GALNS: variants seen among roughly 807,000 people sequenced by gnomAD.
The protein encoded by GALNS is N-acetylgalactosamine-6-sulfatase.
In GALNS, 65 loss-of-function variants were observed where a neutral mutation model predicts 65.9. That is an observed-to-expected ratio of 0.99 (90% confidence interval 0.81 to 1.21). The LOEUF is 1.21. Ranked by LOEUF, GALNS falls within the 50% of genes most tolerant of loss-of-function variation. GALNS has a pLI of 0.00. For synonymous variants in GALNS, 346 were observed against 288.9 expected, an observed-to-expected ratio of 1.20 and a Z score of -2.00; for missense variants, 776 against 700.7, an observed-to-expected ratio of 1.11 and a Z score of -1.21.
At chr16:88,814,843 C>T (rs1428372020) in intron 13 of GALNS, among the ~76,000 whole-genome samples, 2 of 152,264 alleles carry the variant, frequency 1.3e-5, no homozygotes, top group African/African-American at 4.8e-5. Context: ...TCGTGATCCA[C>T]CTGCCTTGGC....
intron 8 of GALNS, among the ~76,000 whole-genome samples, chr16:88,833,059 C>G (rs1413697287): frequency 8.9e-6 from 1 of 112,738 alleles, no homozygotes; most frequent in Non-Finnish European, 1.7e-5. Context: ...GCCTGGGCAA[C>G]AGAGCGAGAC....
At chr16:88,815,273 G>A (rs955094572) in intron 13 of GALNS, 1 of 985,360 alleles carries the variant, frequency 1.0e-6, no homozygotes, top group African/African-American at 1.7e-5. Context: ...GTGGCTGAGG[G>A]CCTCCGAGGG....
intron 9 of GALNS, among the ~76,000 whole-genome samples, chr16:88,828,667 G>A (rs540991963): frequency 8.5e-5 from 13 of 152,348 alleles, no homozygotes; most frequent in African/African-American, 1.2e-4. Context: ...TTCAGGGAGC[G>A]AGGCAGATGG....
chr16:88,819,035 T>C (rs1271777160), intron 12 of GALNS, among the ~76,000 whole-genome samples: 1 of 152,214 alleles, frequency 6.6e-6, no homozygotes, highest in Non-Finnish European at 1.5e-5. Flanking sequence ...GCCCAGTACC[T>C]TCTGGGAGGT....
rs368019991 is a variant in GALNS, at chr16:88,830,329, G to T, written c.1002+1669C>A. Reference sequence around the variant, plus strand: ...GACGGTGGAGGGGCCAGGAGCTCAGGAATGGGGCAGCTACTAGGATTGGGA... The same window carrying T: ...GACGGTGGAGGGGCCAGGAGCTCAGTAATGGGGCAGCTACTAGGATTGGGA... On this transcript the variant is annotated intron_variant, in intron 9 of 13. Transcript: ENST00000268695. 2.0e-3 allele frequency among the ~76,000 whole-genome samples: 302 copies of T among 151,968 alleles called. 2 individuals are homozygous for T. The highest frequency in any genetic ancestry group is 7.0e-3 in the African/African-American group (289 of 41,402).
chr16:88,824,826 G>A lies in GALNS; in HGVS notation c.1183C>T (p.Leu395Phe), dbSNP rs767701478. ...CAGAAGTGAGCCTTGTGCTGCCCGA[G>A]GGTGGCCGCCATCAGCGTGTCGCCA... ...YRGDTLMAAT[L>F]GQHKAHFWTW... The change falls in exon 11 of 14, where the codon CTC becomes TTC. Residue 395 changes from leucine (L) to phenylalanine (F), a missense_variant. Physicochemically the swap from Leu to Phe is conservative, Grantham distance 22. Coordinates refer to ENST00000268695, the MANE Select transcript of GALNS (RefSeq NM_000512.5). 5.0e-6 allele frequency: 8 copies of A among 1,613,312 alleles called. No individual in the cohort carries two copies. Among genetic ancestry groups the A allele is most frequent in the African/African-American group, 1.3e-5 (1 of 74,934 alleles).
chr16:88,820,623 A>G (rs940423358), intron 12 of GALNS, among the ~76,000 whole-genome samples: 3 of 152,216 alleles, frequency 2.0e-5, no homozygotes, highest in Non-Finnish European at 2.9e-5. Context: ...TTGCTTTGAA[A>G]TAACCCTGCC....
chr16:88,816,603 A>T (rs2142977018), intron 13 of GALNS: 1 of 980,452 alleles, frequency 1.0e-6, no homozygotes, highest in South Asian at 4.7e-5. Context: ...CTGGGCAGGG[A>T]CAAGGCCATC....
rs558053180 is a variant in GALNS at position 88,824,937 on chromosome 16, G to T, written c.1140-68C>A. 1.6e-5 allele frequency: 20 copies of T among 1,269,434 alleles called. No individual in the cohort carries two copies. In the African/African-American group the frequency reaches 2.0e-4, roughly 13 times the overall value. 78.6% of individuals were successfully genotyped at this position (1,269,434 alleles called of 1,614,324 possible). On this transcript the variant is annotated intron_variant, in intron 10 of 13. Transcript: ENST00000268695. ...ACGCTGGGGCCACCTGGAGGCTCTG[G>T]GCTGCGTCTGTCATCAGTGGCTCAT...
intron 12 of GALNS, among the ~76,000 whole-genome samples, chr16:88,820,660 G>C (rs1169599598): frequency 6.6e-6 from 1 of 152,228 alleles, no homozygotes; most frequent in Non-Finnish European, 1.5e-5. Context: ...GCGGGGCTGG[G>C]TGGCTGTGGT....
intron 9 of GALNS, among the ~76,000 whole-genome samples, chr16:88,830,929 C>A (rs1237950491): frequency 6.6e-6 from 1 of 152,184 alleles, no homozygotes; most frequent in African/African-American, 2.4e-5. Flanking sequence ...TTTAAACACT[C>A]AGCCTGCTCT....
chr16:88,853,094 T>G, intron 1 of GALNS, among the ~76,000 whole-genome samples: 1 of 149,986 alleles, frequency 6.7e-6, no homozygotes, highest in East Asian at 2.0e-4. Context: ...CCACTAGAAA[T>G]ACAAAAATTA....
chr16:88,815,084 A>G (rs980285550), intron 13 of GALNS: 99 of 985,310 alleles, frequency 1.0e-4, no homozygotes, highest in Non-Finnish European at 1.2e-4. Flanking sequence ...ACCCCAACCA[A>G]TTGGCCTCAG....
intron 5 of GALNS, 60 bp from the exon 6 acceptor site, chr16:88,836,327 CCT>C (rs1912137774): frequency 5.2e-6 from 7 of 1,334,714 alleles, no homozygotes; most frequent in Admixed American, 1.8e-5. Flanking sequence ...TCCCGTTCTC[CCT>C]GATTTCACCA....
intron 8 of GALNS, among the ~76,000 whole-genome samples, chr16:88,833,007 G>A (rs112885130): frequency 3.3e-5 from 5 of 149,590 alleles, no homozygotes; most frequent in African/African-American, 1.0e-4. Context: ...GAGCCCAGGA[G>A]GTCAAGGCTA....
intron 1 of GALNS, among the ~76,000 whole-genome samples, chr16:88,850,934 G>A (rs912620492): frequency 1.3e-5 from 2 of 152,324 alleles, no homozygotes; most frequent in East Asian, 3.9e-4. Flanking sequence ...AACAGCGGGG[G>A]GACCTCCTGT....
At chr16:88,825,473 G>T (rs1910773724) in intron 10 of GALNS, among the ~76,000 whole-genome samples, 1 of 148,370 alleles carries the variant, frequency 6.7e-6, no homozygotes, top group Non-Finnish European at 1.5e-5. Context: ...TGGGGTACCT[G>T]GGTGTCTGGG....
At chr16:88,846,156 G>T (rs1438109061) in intron 1 of GALNS, among the ~76,000 whole-genome samples, 1 of 152,230 alleles carries the variant, frequency 6.6e-6, no homozygotes, top group Non-Finnish European at 1.5e-5. Context: ...TGTGTTAATG[G>T]GTGGAGCTGT....
At chr16:88,815,381 C>T (rs1039974552) in intron 13 of GALNS, 1 of 985,360 alleles carries the variant, frequency 1.0e-6, no homozygotes, top group Admixed American at 6.1e-5. Context: ...TCTCAAGAAG[C>T]CTTTCCCAGG....
Sources: allele counts gnomAD v4.1 joint callset (sites outside exome capture counted in the v4.1 genomes callset), GRCh38; gene constraint gnomAD v4.1.1; transcripts MANE v1.5; gene names NCBI Gene and HGNC (gene_info 2026-07-23, HGNC 2026-07-21).